Variants in ENTPD6 observed in about 807,000 individuals in gnomAD.
ENTPD6 encodes the protein CD39 antigen-like 2.
Under a neutral mutation model 61.5 loss-of-function variants are expected in ENTPD6, and 46 were observed. That is an observed-to-expected ratio of 0.75 (90% CI 0.59 to 0.96). The LOEUF (loss-of-function observed/expected upper bound fraction) is 0.96. ENTPD6 is among the 40% of genes least tolerant of loss of function. The pLI is 0.00. For missense variants in ENTPD6, 612 were observed against 629.0 expected (o/e 0.97, Z 0.29); for synonymous variants, 252 against 255.5 (o/e 0.99, Z 0.13).
intron 1 of ENTPD6, 63 bp from the exon 2 acceptor site, chr20:25,206,459 T>G: frequency 7.9e-7 from 1 of 1,263,736 alleles, no homozygotes; most frequent in Non-Finnish European, 1.2e-6. Flanking sequence ...GAATTTATTT[T>G]GCTACTCTAG....
chr20:25,215,950 C>T (rs1311411896), intron 7 of ENTPD6, among the ~76,000 whole-genome samples: 1 of 152,216 alleles, frequency 6.6e-6, no homozygotes, highest in African/African-American at 2.4e-5. Flanking sequence ...TCTCCCAGCA[C>T]AGCCCCTGCC....
In ENTPD6 at chr20:25,215,722, A is replaced by G. The variant is rs773177477; in HGVS notation, c.709+11A>G. On this transcript the variant is annotated intron_variant, in intron 7 of 14. Coordinates refer to ENST00000376652, the MANE Select transcript of ENTPD6 (RefSeq NM_001247.5). Reference sequence around the variant, plus strand: ...TCAACTTCCTGACAGGTGTGTGCACACTGCATCACAGAGGCTAGCCGATCA... The same window carrying G: ...TCAACTTCCTGACAGGTGTGTGCACGCTGCATCACAGAGGCTAGCCGATCA... 13 of 1,614,000 alleles carry G rather than the reference A, an allele frequency of 8.1e-6. No homozygotes were observed. The highest frequency in any genetic ancestry group is 1.1e-5 in the Non-Finnish European group (13 of 1,179,960).
Position 25,221,282 on chromosome 20 carries a change from GGA to G in ENTPD6, c.998_999del (p.Glu333ValfsTer125). On this transcript the variant is annotated frameshift_variant, in exon 11 of 15. Transcript: ENST00000376652. LOFTEE classifies it high-confidence loss of function. The part of the protein sequence containing the change: ...VSPCLSPSFK[G>X]EWEHAEVTYR... ...CCCTTGCTTGTCTCCCAGTTTCAAAGGAGAGTGGGAACACGCAGAAGTCACGT... is the reference window on the plus strand; with the variant it reads ...CCCTTGCTTGTCTCCCAGTTTCAAAGGAGTGGGAACACGCAGAAGTCACGT... The G allele has an allele frequency of 1.2e-6, 2 of 1,614,140 alleles. No homozygotes were observed. Among genetic ancestry groups the G allele is most frequent in the Admixed American group, 3.3e-5 (2 of 60,024 alleles).
chr20:25,202,050 A>C (rs530870817), intron 1 of ENTPD6, among the ~76,000 whole-genome samples: 30 of 152,356 alleles, frequency 2.0e-4, no homozygotes, highest in Non-Finnish European at 4.3e-4. Flanking sequence ...TTTGTATGTT[A>C]TATTACTATA....
chr20:25,217,575 C>G lies in ENTPD6; in HGVS notation c.872C>G (p.Ser291Cys), dbSNP rs1200871907. ...RMFNRTYKLY[S>C]YSYLGLGLMS... ...TTTAACAGGACCTACAAGCTCTATT[C>G]CTACAGGTCTGCTTTCGGGAACAGG... Residue 291 changes from serine to cysteine, a missense_variant, in exon 9 of 15, where the codon TCC becomes TGC. By Grantham distance (112) the Ser-to-Cys change is moderately radical (BLOSUM62 -1). Transcript: ENST00000376652. 3 of 1,614,116 alleles carry G rather than the reference C, an allele frequency of 1.9e-6. No individual in the cohort carries two copies. The highest frequency in any genetic ancestry group is 2.5e-6 in the Non-Finnish European group (3 of 1,179,962).
In ENTPD6 at chr20:25,195,794, A is replaced by G; in HGVS notation, c.-89A>G. On this transcript the variant is annotated 5_prime_UTR_variant, in exon 1 of 15. Transcript: ENST00000376652. ...GGCGCCGGCCGGGGCGGGGGAGCCC[A>G]AAAGACCGGCTGCCGCCTGCTCCCC... 8.2e-7 allele frequency: 1 copy of G among 1,223,930 alleles called. No individual in the cohort carries two copies. Among genetic ancestry groups the G allele is most frequent in the Non-Finnish European group, 1.0e-6 (1 of 973,540 alleles). The allele number at this position is 1,223,930 out of a possible 1,614,324, so 75.8% of individuals were successfully genotyped here.
At chr20:25,205,867 G>A (rs1020636485) in intron 1 of ENTPD6, among the ~76,000 whole-genome samples, 2 of 152,172 alleles carry the variant, frequency 1.3e-5, no homozygotes, top group African/African-American at 2.4e-5. Flanking sequence ...CCTGCTCCCC[G>A]TGCTTTGCCC....
At chr20:25,211,377 A>G (rs1367018272) in intron 4 of ENTPD6, among the ~76,000 whole-genome samples, 1 of 152,252 alleles carries the variant, frequency 6.6e-6, no homozygotes, top group Non-Finnish European at 1.5e-5. Context: ...GGTGACACAC[A>G]TTCAAGTGGG....
intron 1 of ENTPD6, among the ~76,000 whole-genome samples, chr20:25,203,535 C>A (rs573110886): frequency 4.9e-4 from 75 of 152,322 alleles, no homozygotes; most frequent in Non-Finnish European, 8.7e-4. Flanking sequence ...CGACTCAAAT[C>A]CCTCTGGTCA....
intron 1 of ENTPD6, among the ~76,000 whole-genome samples, chr20:25,202,439 T>G (rs1458839817): frequency 2.0e-5 from 3 of 152,232 alleles, no homozygotes; most frequent in Non-Finnish European, 2.9e-5. Context: ...TATTTATATA[T>G]ATTTTATAGC....
intron 1 of ENTPD6, among the ~76,000 whole-genome samples, chr20:25,203,951 A>G (rs2091256162): frequency 6.6e-6 from 1 of 152,182 alleles, no homozygotes; most frequent in African/African-American, 2.4e-5. Context: ...ATGAAGGCCA[A>G]AGTTTCCTCT....
At chr20:25,202,975 G>A (rs1031280960) in intron 1 of ENTPD6, among the ~76,000 whole-genome samples, 34 of 152,284 alleles carry the variant, frequency 2.2e-4, no homozygotes, top group African/African-American at 7.5e-4. Context: ...CAATGAACAC[G>A]CACATCTTTT....
chr20:25,210,153 G>T (rs561114937), intron 4 of ENTPD6, among the ~76,000 whole-genome samples: 1 of 152,224 alleles, frequency 6.6e-6, no homozygotes, highest in Non-Finnish European at 1.5e-5. Flanking sequence ...CCGTGCCAGC[G>T]CTCACTTCTC....
intron 1 of ENTPD6, among the ~76,000 whole-genome samples, chr20:25,200,591 G>A (rs1353330391): frequency 1.3e-5 from 2 of 152,066 alleles, no homozygotes; most frequent in Admixed American, 6.5e-5. Context: ...GTTGTTCGTA[G>A]TACTCTCTTA....
intron 12 of ENTPD6, 43 bp downstream of exon 12, chr20:25,223,021 A>AGGGG: frequency 2.0e-6 from 1 of 488,158 alleles, no homozygotes; most frequent in Non-Finnish European, 3.4e-6. Flanking sequence ...TCGGGGCGGC[A>AGGGG]GGGGGCGGGG....
intron 3 of ENTPD6, among the ~76,000 whole-genome samples, chr20:25,208,406 A>G (rs1048549411): frequency 2.6e-5 from 4 of 152,210 alleles, no homozygotes; most frequent in Non-Finnish European, 5.9e-5. Context: ...AGATCACACC[A>G]TTGCACTGCA....
chr20:25,213,165 T>C, intron 4 of ENTPD6, 98 bp from the exon 5 acceptor site: 1 of 1,415,000 alleles, frequency 7.1e-7, no homozygotes, highest in South Asian at 1.2e-5. Flanking sequence ...TGAGACTCTG[T>C]CTCCAGAAAC....
Position 25,225,480 on chromosome 20 carries a change from C to G in ENTPD6, c.1357-19C>G. On this transcript the variant is annotated intron_variant, in intron 14 of 14. Transcript: ENST00000376652. ...TCCTGTCTGTGTGATGGTCCCCTCT[C>G]CCTCTCTGTCTTTTCAAGCTCACTC... 6.2e-7 allele frequency: 1 copy of G among 1,610,630 alleles called. No individual in the cohort carries two copies. The highest frequency in any genetic ancestry group is 8.5e-7 in the Non-Finnish European group (1 of 1,177,662).
At position 25,195,784 on chromosome 20, in the gene ENTPD6, G is replaced by C. The variant is rs544961427; in HGVS notation, c.-99G>C. 774 of 1,159,838 alleles carry C rather than the reference G, an allele frequency of 6.7e-4. 5 individuals are homozygous for C. In the African/African-American group the frequency reaches 0.011, roughly 17 times the overall value. 71.8% of individuals were successfully genotyped at this position (1,159,838 alleles called of 1,614,324 possible). On this transcript the variant is annotated 5_prime_UTR_variant, in exon 1 of 15. Coordinates refer to ENST00000376652, the MANE Select transcript of ENTPD6 (RefSeq NM_001247.5). ...AGGCCGGGGTGGCGCCGGCCGGGGCGGGGGAGCCCAAAAGACCGGCTGCCG... is the reference window on the plus strand; with the variant it reads ...AGGCCGGGGTGGCGCCGGCCGGGGCCGGGGAGCCCAAAAGACCGGCTGCCG...
Sources: gnomAD v4.1 joint callset for allele counts (sites outside exome capture counted in the v4.1 genomes callset) on GRCh38, gnomAD v4.1.1 for gene constraint, MANE v1.5 for transcripts, NCBI Gene and HGNC (gene_info 2026-07-23, HGNC 2026-07-21) for gene names.